MDM2: variants seen among roughly 807,000 people sequenced by gnomAD.
The protein encoded by MDM2 is E3 ubiquitin-protein ligase Mdm2.
A neutral mutation model predicts 64.3 loss-of-function variants in MDM2; 11 were observed. That is an observed-to-expected ratio of 0.17 (90% CI 0.11 to 0.28). The LOEUF is 0.28. Among genes scored for constraint, MDM2 ranks in the 10% least tolerant of loss-of-function variants. The pLI, the probability that MDM2 is intolerant of heterozygous loss-of-function variation, is 1.00. For missense variants in MDM2, 388 were observed against 577.1 expected (o/e 0.67, Z 3.36); for synonymous variants, 194 against 192.9 (o/e 1.01, Z -0.05).
intron 2 of MDM2, among the ~76,000 whole-genome samples, chr12:68,812,042 G>A (rs1156829046): frequency 6.6e-6 from 1 of 152,036 alleles, no homozygotes; most frequent in East Asian, 1.9e-4. Context: ...CACTGCACCT[G>A]GCTTCCATTA....
chr12:68,833,269 ATATTT>A (rs1565743950), intron 8 of MDM2, among the ~76,000 whole-genome samples: 1 of 88,702 alleles, frequency 1.1e-5, no homozygotes, highest in African/African-American at 3.4e-5. Context: ...ATATAATTAT[ATATTT>A]ATATAAATAT....
intron 8 of MDM2, among the ~76,000 whole-genome samples, chr12:68,830,454 T>C (rs1159220545): frequency 1.3e-5 from 2 of 152,212 alleles, no homozygotes; most frequent in African/African-American, 4.8e-5. Flanking sequence ...GGTTCTTCAT[T>C]TGTAGATATT....
intron 8 of MDM2, among the ~76,000 whole-genome samples, chr12:68,833,164 ATATT>A (rs1379771038): frequency 7.8e-6 from 1 of 128,538 alleles, no homozygotes; most frequent in Non-Finnish European, 1.6e-5. Flanking sequence ...ATATATATAT[ATATT>A]TATATTTAAA....
rs149258568 is a variant in MDM2 at position 68,814,630 on chromosome 12, G to A, written c.174+1002G>A. The stretch of plus-strand genomic sequence containing the variant: ...CTTCTTGGGCATCCCTGGATCCCAG[G>A]TTAAGAACTTCTGCACTAGAGATAC... On this transcript the variant is annotated intron_variant, in intron 3 of 10. Transcript: ENST00000258149. 2.0e-5 allele frequency: 8 copies of A among 410,226 alleles called. No homozygotes were observed. In the East Asian group the frequency reaches 4.7e-4, roughly 24 times the overall value. The allele number at this position is 410,226 out of a possible 1,614,324, so 25.4% of individuals were successfully genotyped here.
rs1435841334 is a variant in MDM2, at chr12:68,844,489, G to A, written c.*4640G>A. 4.4e-6 allele frequency: 1 copy of A among 228,598 alleles called. No individual in the cohort carries two copies. Among genetic ancestry groups the A allele is most frequent in the African/African-American group, 2.2e-5 (1 of 45,066 alleles). 14.2% of individuals were successfully genotyped at this position (228,598 alleles called of 1,614,324 possible). ...AAGTGATCGTGAATGGTCTATAAGG[G>A]AGGTAGCTGGGACAGGGAGGGGAGT... On this transcript the variant is annotated 3_prime_UTR_variant, in exon 11 of 11. Transcript: ENST00000258149.
chr12:68,822,687 G>C lies in MDM2; in HGVS notation c.359-1676G>C, dbSNP rs1366963142. 3.3e-5 allele frequency among the ~76,000 whole-genome samples: 5 copies of C among 151,192 alleles called. No homozygotes were observed. The East Asian group carries it at 9.7e-4, about 29-fold the overall frequency. On this transcript the variant is annotated intron_variant, in intron 5 of 10. Coordinates refer to ENST00000258149, the MANE Select transcript of MDM2 (RefSeq NM_002392.6). ...AATTACTTATTTGCAGTCTGAGTTT[G>C]GTTTAGATATCAGTAGAATTAACTT...
intron 5 of MDM2, among the ~76,000 whole-genome samples, chr12:68,823,753 A>T (rs534591046): frequency 2.6e-5 from 4 of 152,264 alleles, no homozygotes; most frequent in African/African-American, 9.6e-5. Flanking sequence ...AATCAGTTTC[A>T]TTTCTTGGAC....
rs1028944909 is a variant in MDM2, at chr12:68,844,146, A to G, written c.*4297A>G. 18 of 207,558 alleles carry G rather than the reference A, an allele frequency of 8.7e-5. No individual in the cohort carries two copies. Among genetic ancestry groups the G allele is most frequent in the African/African-American group, 4.1e-4 (18 of 43,930 alleles). The allele number at this position is 207,558 out of a possible 1,614,324, so 12.9% of individuals were successfully genotyped here. ...AATTGTCTGATTTCTTAGGTTCTTT[A>G]TAGTACACGTGTTGAAAATAAATGA... is the stretch of plus-strand genomic sequence containing the variant. On this transcript the variant is annotated 3_prime_UTR_variant, in exon 11 of 11. Transcript: ENST00000258149.
At chr12:68,813,679 A>C (rs767588818) in intron 3 of MDM2, 51 bp downstream of exon 3, 2 of 1,361,954 alleles carry the variant, frequency 1.5e-6, no homozygotes, top group South Asian at 1.2e-5. Context: ...ATGTAGCCAT[A>C]CTTAAAGTTT....
intron 4 of MDM2, among the ~76,000 whole-genome samples, chr12:68,818,718 A>G (rs1157018711): frequency 6.6e-5 from 10 of 151,222 alleles, no homozygotes; most frequent in African/African-American, 2.4e-4. Context: ...CTATATTGGT[A>G]TATTGGTGAT....
chr12:68,837,955 A>G lies in MDM2; in HGVS notation c.918+1206A>G, dbSNP rs529263896. Among the ~76,000 whole-genome samples the G allele has an allele frequency of 6.6e-5, 10 of 152,336 alleles. No individual in the cohort carries two copies. In the Middle Eastern group the frequency reaches 0.01, roughly 155 times the overall value. On this transcript the variant is annotated intron_variant, in intron 10 of 10. Transcript: ENST00000258149. Reference sequence around the variant, plus strand: ...TTACTGTATTAGAAAATAAATAACTAATTGAATCATTTGATGTCAAGTTGA... The same window carrying G: ...TTACTGTATTAGAAAATAAATAACTGATTGAATCATTTGATGTCAAGTTGA...
chr12:68,846,883 T>C (rs1884331744), downstream of MDM2: 1 of 152,034 alleles, frequency 6.6e-6, no homozygotes. Flanking sequence ...GTAAGCACTT[T>C]TAATGAATGG....
chr12:68,824,354 TTC>T lies in MDM2; in HGVS notation c.359-4_359-3del, dbSNP rs753848209. 1.1e-4 allele frequency: 177 copies of T among 1,612,050 alleles called. No homozygotes were observed. Among genetic ancestry groups the T allele is most frequent in the Non-Finnish European group, 1.4e-4 (161 of 1,179,276 alleles). On this transcript the variant is annotated splice_polypyrimidine_tract_variant and splice_region_variant and intron_variant, in intron 5 of 10. Coordinates refer to ENST00000258149, the MANE Select transcript of MDM2 (RefSeq NM_002392.6). ...CACCAAGTTTCTGATCCTTTTTCTT[TTC>T]TCTCAGAATCATCGGACTCAGGTAC...
chr12:68,838,853 G>C (rs1387512383), intron 10 of MDM2, among the ~76,000 whole-genome samples: 2 of 152,140 alleles, frequency 1.3e-5, no homozygotes, highest in Non-Finnish European at 2.9e-5. Flanking sequence ...AGGATGGTAA[G>C]GGTGAAAAAA....
At chr12:68,818,024 C>A (rs189749611) in intron 4 of MDM2, among the ~76,000 whole-genome samples, 1 of 152,176 alleles carries the variant, frequency 6.6e-6, no homozygotes, top group Admixed American at 6.5e-5. Context: ...GAGCTCCTAA[C>A]CTTCGGTAAT....
Position 68,839,337 on chromosome 12 carries a change from T to C in MDM2, c.982T>C (p.Cys328Arg), listed in dbSNP as rs764918809. The change falls in exon 11 of 11, where the codon TGT becomes CGT. Residue 328 changes from cysteine (C) to arginine (R), a missense_variant. Transcript: ENST00000258149. ...NPPLPSHCNR[C>R]WALRENWLPE... ...CCCCCTTCCATCACATTGCAACAGA[T>C]GTTGGGCCCTTCGTGAGAATTGGCT... 2 of 1,613,988 alleles carry C rather than the reference T, an allele frequency of 1.2e-6. No individual in the cohort carries two copies. Among genetic ancestry groups the C allele is most frequent in the South Asian group, 1.1e-5 (1 of 91,062 alleles).
intron 10 of MDM2, among the ~76,000 whole-genome samples, chr12:68,837,089 A>G (rs3730644): frequency 0.091 from 13,813 of 151,452 alleles, 2,113 homozygotes; most frequent in African/African-American, 0.32. Flanking sequence ...GAGTAGCTGG[A>G]ATTACAGGCA....
chr12:68,822,792 G>A (rs991263781), intron 5 of MDM2, among the ~76,000 whole-genome samples: 1 of 151,544 alleles, frequency 6.6e-6, no homozygotes, highest in African/African-American at 2.4e-5. Flanking sequence ...CCAGGCTGGA[G>A]TGCAGTGGTG....
rs117605376 is a variant in MDM2 at position 68,824,866 on chromosome 12, C to A, written c.523+215C>A. The A allele has an allele frequency of 8.8e-3, 4,418 of 500,466 alleles. 54 individuals carry two copies. The highest frequency in any genetic ancestry group is 0.011 in the Non-Finnish European group (3,189 of 285,138). 31.0% of individuals were successfully genotyped at this position (500,466 alleles called of 1,614,324 possible). ...CTACAGCAGGCACAGTTTACTGTGC[C>A]CCACTGGAGTTTATAGTTAGCCAAC... On this transcript the variant is annotated intron_variant, in intron 7 of 10. Coordinates refer to ENST00000258149, the MANE Select transcript of MDM2 (RefSeq NM_002392.6).
Sources: allele counts gnomAD v4.1 joint callset (sites outside exome capture counted in the v4.1 genomes callset), GRCh38; gene constraint gnomAD v4.1.1; transcripts MANE v1.5; gene names NCBI Gene and HGNC (gene_info 2026-07-23, HGNC 2026-07-21).